Variants in FOXP2 observed in about 807,000 individuals in gnomAD.
The protein encoded by FOXP2 is forkhead box P2.
FOXP2 carries 12 observed loss-of-function variants against 115.8 expected under a neutral mutation model. That is an observed-to-expected ratio of 0.10 (90% CI 0.07 to 0.17). The LOEUF (loss-of-function observed/expected upper bound fraction) is 0.17, where lower values mean the gene tolerates loss of function less well. FOXP2 is among the 10% of genes least tolerant of loss of function. The probability of loss-of-function intolerance (pLI) is 1.00; values close to 1 mark genes in which losing one functional copy is unlikely to be tolerated. For synonymous variants in FOXP2, 328 were observed against 297.7 expected (o/e 1.10, Z -1.05); for missense variants, 629 against 843.5 (o/e 0.75, Z 3.15).
chr7:114,166,918 A>G (rs954138011), intron 1 of FOXP2, among the ~76,000 whole-genome samples: 3 of 152,180 alleles, frequency 2.0e-5, no homozygotes, highest in Admixed American at 1.3e-4. Flanking sequence ...AACACTGATA[A>G]CACCAAATGA....
At chr7:114,145,880 A>G (rs1431410060) in intron 1 of FOXP2, among the ~76,000 whole-genome samples, 1 of 152,188 alleles carries the variant, frequency 6.6e-6, no homozygotes, top group Non-Finnish European at 1.5e-5. Context: ...TTGTGTGTAA[A>G]CATTATTTAC....
intron 2 of FOXP2, among the ~76,000 whole-genome samples, chr7:114,320,603 T>C (rs1462236625): frequency 1.3e-5 from 2 of 152,224 alleles, no homozygotes; most frequent in Non-Finnish European, 2.9e-5. Context: ...ATAGGACTTA[T>C]GTATCTTCAG....
chr7:114,199,889 G>C (rs1794017049), intron 1 of FOXP2, among the ~76,000 whole-genome samples: 2 of 151,814 alleles, frequency 1.3e-5, no homozygotes, highest in Admixed American at 6.6e-5. Flanking sequence ...CCTAATATGG[G>C]GTAAAAGGTA....
At chr7:114,449,636 C>T (rs1794985901) in intron 2 of FOXP2, among the ~76,000 whole-genome samples, 1 of 152,022 alleles carries the variant, frequency 6.6e-6, no homozygotes, top group Admixed American at 6.6e-5. Flanking sequence ...GAATACTCAC[C>T]AGTATTCCAG....
chr7:114,435,329 G>T (rs151276840), intron 2 of FOXP2, among the ~76,000 whole-genome samples: 199 of 152,148 alleles, frequency 1.3e-3, no homozygotes, highest in Non-Finnish European at 2.2e-3. Context: ...GGATCAATCG[G>T]CAGAAAAAGG....
chr7:114,401,286 T>C (rs943542059), intron 2 of FOXP2, among the ~76,000 whole-genome samples: 4 of 152,184 alleles, frequency 2.6e-5, no homozygotes, highest in Admixed American at 6.5e-5. Context: ...CTATGAATTA[T>C]ATAATTACCC....
intron 1 of FOXP2, among the ~76,000 whole-genome samples, chr7:114,203,563 C>T (rs1024582802): frequency 6.6e-6 from 1 of 152,014 alleles, no homozygotes; most frequent in African/African-American, 2.4e-5. Flanking sequence ...AGGCTTGGCT[C>T]AAACTCCTGG....
At chr7:114,137,878 G>C (rs1562976992) in intron 1 of FOXP2, among the ~76,000 whole-genome samples, 1 of 152,070 alleles carries the variant, frequency 6.6e-6, no homozygotes, top group South Asian at 2.1e-4. Context: ...CCTGCCAACT[G>C]AGAGGGCCTA....
chr7:114,209,260 G>T (rs973535046), intron 1 of FOXP2, among the ~76,000 whole-genome samples: 1 of 152,168 alleles, frequency 6.6e-6, no homozygotes, highest in Non-Finnish European at 1.5e-5. Flanking sequence ...CTTCCACCAT[G>T]ATTGTAAGTT....
chr7:114,651,829 A>G (rs896884346), intron 8 of FOXP2, among the ~76,000 whole-genome samples: 6 of 152,180 alleles, frequency 3.9e-5, no homozygotes, highest in African/African-American at 1.4e-4. Flanking sequence ...TAACAATGAA[A>G]TAGAAAATTG....
At chr7:114,395,151 C>G (rs1347986772) in intron 2 of FOXP2, among the ~76,000 whole-genome samples, 1 of 152,138 alleles carries the variant, frequency 6.6e-6, no homozygotes, top group East Asian at 1.9e-4. Flanking sequence ...CCCAACTTCT[C>G]TGTAAGAACT....
intron 1 of FOXP2, among the ~76,000 whole-genome samples, chr7:114,131,155 A>G (rs746718164): frequency 2.0e-5 from 3 of 152,202 alleles, no homozygotes; most frequent in Non-Finnish European, 2.9e-5. Flanking sequence ...ACCAGATCAT[A>G]TGCTGTTAAC....
intron 3 of FOXP2, among the ~76,000 whole-genome samples, chr7:114,560,358 C>A (rs1183403165): frequency 6.6e-6 from 1 of 152,130 alleles, no homozygotes; most frequent in Admixed American, 6.5e-5. Flanking sequence ...GTAATCCCAG[C>A]ACTTTGGGAT....
chr7:114,108,652 C>T (rs1398134682), intron 1 of FOXP2, among the ~76,000 whole-genome samples: 1 of 151,884 alleles, frequency 6.6e-6, no homozygotes, highest in African/African-American at 2.4e-5. Flanking sequence ...TTTACATACA[C>T]TTTCATTAGC....
At chr7:114,140,718 G>A (rs187694029) in intron 1 of FOXP2, among the ~76,000 whole-genome samples, 1 of 152,310 alleles carries the variant, frequency 6.6e-6, no homozygotes, top group South Asian at 2.1e-4. Flanking sequence ...CAAAGGAAAT[G>A]ATGGTATTTG....
intron 1 of FOXP2, among the ~76,000 whole-genome samples, chr7:114,092,552 A>G (rs904668121): frequency 6.6e-6 from 1 of 152,058 alleles, no homozygotes; most frequent in African/African-American, 2.4e-5. Flanking sequence ...CTTAAAATGT[A>G]TTTTAGGGGT....
chr7:114,569,129 G>A (rs1801166700), intron 3 of FOXP2, among the ~76,000 whole-genome samples: 1 of 151,824 alleles, frequency 6.6e-6, no homozygotes, highest in African/African-American at 2.4e-5. Flanking sequence ...TGTTAGTATG[G>A]TTTATTGTTA....
At chr7:114,235,520 T>C (rs1445831782) in intron 1 of FOXP2, among the ~76,000 whole-genome samples, 2 of 152,370 alleles carry the variant, frequency 1.3e-5, no homozygotes, top group Non-Finnish European at 2.9e-5. Flanking sequence ...ATTGGTGTTA[T>C]GTGACTTCAG....
chr7:114,689,651 C>G, intron 16 of FOXP2, 131 bp from the exon 17 acceptor site: 2 of 856,096 alleles, frequency 2.3e-6, no homozygotes, highest in Admixed American at 2.0e-5. Context: ...CGCAATCAAT[C>G]AGATGCCCTT....
Sources: allele counts gnomAD v4.1 joint callset (sites outside exome capture counted in the v4.1 genomes callset), GRCh38; gene constraint gnomAD v4.1.1; transcripts MANE v1.5; gene names NCBI Gene and HGNC (gene_info 2026-07-23, HGNC 2026-07-21).